The following CDH13 variants were observed in gnomAD, a reference collection of about 807,000 sequenced individuals.
The protein encoded by CDH13 is cadherin-13.
A neutral mutation model predicts 63.8 loss-of-function variants in CDH13; 24 were observed. The ratio of observed to expected loss-of-function variants is 0.38; its 90% confidence interval spans 0.27 to 0.53. The LOEUF (loss-of-function observed/expected upper bound fraction) is 0.53, where lower values mean the gene tolerates loss of function less well. Among genes scored for constraint, CDH13 ranks in the 20% least tolerant of loss-of-function variants. The pLI is 0.85. For missense variants in CDH13, 1,049 were observed against 903.1 expected (o/e 1.16, Z -2.07); for synonymous variants, 503 against 355.3 (o/e 1.42, Z -4.67).
At chr16:82,642,783 G>C (rs1909576542) in intron 1 of CDH13, among the ~76,000 whole-genome samples, 1 of 152,192 alleles carries the variant, frequency 6.6e-6, no homozygotes, top group Non-Finnish European at 1.5e-5. Flanking sequence ...GAGTGCTTCA[G>C]ATGCATTAAT....
intron 1 of CDH13, among the ~76,000 whole-genome samples, chr16:82,845,809 A>G (rs2039233610): frequency 2.0e-5 from 3 of 152,340 alleles, no homozygotes; most frequent in East Asian, 3.9e-4. Flanking sequence ...AACCCTGAGC[A>G]GGCACATCCT....
intron 6 of CDH13, among the ~76,000 whole-genome samples, chr16:83,348,685 C>T (rs1356114870): frequency 6.6e-6 from 1 of 152,238 alleles, no homozygotes; most frequent in Non-Finnish European, 1.5e-5. Context: ...TGACGCTGTG[C>T]TCAGCTATTT....
At chr16:82,886,935 T>C (rs2040909348) in intron 2 of CDH13, among the ~76,000 whole-genome samples, 1 of 152,236 alleles carries the variant, frequency 6.6e-6, no homozygotes, top group Non-Finnish European at 1.5e-5. Context: ...AGTGGATAAC[T>C]ACTCCATTCT....
At chr16:83,543,746 A>G (rs1174263305) in intron 7 of CDH13, among the ~76,000 whole-genome samples, 1 of 152,170 alleles carries the variant, frequency 6.6e-6, no homozygotes, top group Non-Finnish European at 1.5e-5. Context: ...CTCTCATCTA[A>G]TGGACAGTGG....
chr16:83,438,970 A>G (rs1598022133), intron 6 of CDH13, among the ~76,000 whole-genome samples: 2 of 152,240 alleles, frequency 1.3e-5, no homozygotes, highest in South Asian at 4.1e-4. Context: ...TCACTAGCTT[A>G]GAGCACCTGG....
At chr16:82,946,850 A>G (rs527760694) in intron 2 of CDH13, among the ~76,000 whole-genome samples, 124 of 152,352 alleles carry the variant, frequency 8.1e-4, no homozygotes, top group African/African-American at 2.8e-3. Context: ...TGATTTATAC[A>G]TACAATCACT....
chr16:83,342,374 C>T (rs893728851), intron 5 of CDH13, among the ~76,000 whole-genome samples: 1 of 152,124 alleles, frequency 6.6e-6, no homozygotes, highest in African/African-American at 2.4e-5. Context: ...GGGTGTTCAG[C>T]GTGATGGCTG....
intron 3 of CDH13, among the ~76,000 whole-genome samples, chr16:83,083,483 T>A (rs1182324057): frequency 6.6e-6 from 1 of 152,190 alleles, no homozygotes; most frequent in Admixed American, 6.5e-5. Context: ...GTTATGCATA[T>A]GGAAATTGAG....
At chr16:83,323,895 C>G (rs964665849) in intron 5 of CDH13, among the ~76,000 whole-genome samples, 2 of 152,170 alleles carry the variant, frequency 1.3e-5, no homozygotes, top group African/African-American at 4.8e-5. Flanking sequence ...CCTCCCTTAC[C>G]TCTTGACCCC....
intron 1 of CDH13, among the ~76,000 whole-genome samples, chr16:82,810,979 C>G (rs2037412673): frequency 6.6e-6 from 1 of 152,118 alleles, no homozygotes; most frequent in Non-Finnish European, 1.5e-5. Flanking sequence ...ACCCTTCTCT[C>G]AGTCTGCTGA....
intron 12 of CDH13, among the ~76,000 whole-genome samples, chr16:83,782,754 A>G (rs1245010273): frequency 6.8e-6 from 1 of 146,834 alleles, no homozygotes; most frequent in African/African-American, 2.5e-5. Flanking sequence ...AAAAAAAAAA[A>G]CTAAAGACAA....
rs1190978794 is a variant in CDH13 at position 83,514,568 on chromosome 16, C to CCGGCCA, written c.960+27913_960+27914insCGGCCA. Among the ~76,000 whole-genome samples the CCGGCCA allele has an allele frequency of 3.9e-5, 6 of 152,152 alleles. No homozygotes were observed. In the East Asian group the frequency reaches 1.2e-3, roughly 29 times the overall value. ...GCTGAGGCATGGGAATTGCTTGAACCTGGGAGGTGGAGGTTGCAGTAAGCC... is the reference window on the plus strand; with the variant it reads ...GCTGAGGCATGGGAATTGCTTGAACCCGGCCATGGGAGGTGGAGGTTGCAGTAAGCC... On this transcript the variant is annotated intron_variant, in intron 7 of 13. Coordinates refer to ENST00000567109, the MANE Select transcript of CDH13 (RefSeq NM_001257.5).
At chr16:83,333,610 T>C (rs2090523607) in intron 5 of CDH13, among the ~76,000 whole-genome samples, 1 of 152,214 alleles carries the variant, frequency 6.6e-6, no homozygotes, top group Non-Finnish European at 1.5e-5. Context: ...TTAGTATTTC[T>C]ACTTGCTGGG....
In CDH13 at chr16:82,789,362, G is replaced by A. The variant is rs542387394; in HGVS notation, c.46-69000G>A. Among the ~76,000 whole-genome samples, 9 of 152,292 alleles carry A rather than the reference G, an allele frequency of 5.9e-5. No individual in the cohort carries two copies. In the South Asian group the frequency reaches 1.7e-3, roughly 28 times the overall value. ...GGGAGGGTCTTCTGAGAGATATAAA[G>A]AGGCTGATATATGCTCTTTATATCT... On this transcript the variant is annotated intron_variant, in intron 1 of 13. Transcript: ENST00000567109.
intron 3 of CDH13, among the ~76,000 whole-genome samples, chr16:83,092,123 A>T (rs2033942179): frequency 1.3e-5 from 2 of 152,238 alleles, no homozygotes; most frequent in Non-Finnish European, 2.9e-5. Flanking sequence ...TTCATTTCTC[A>T]TTATGGACTG....
rs2034154562 is a variant in CDH13, at chr16:83,095,606, A to C, written c.367-29779A>C. Among the ~76,000 whole-genome samples, 3 of 152,310 alleles carry C rather than the reference A, an allele frequency of 2.0e-5. No individual in the cohort carries two copies. In the South Asian group the frequency reaches 6.2e-4, roughly 32 times the overall value. ...TTCAAGCTTATGTATTTGGGTACAG[A>C]ACACCTCGCCAAAATCCTTGGCATA... On this transcript the variant is annotated intron_variant, in intron 3 of 13. Transcript: ENST00000567109.
intron 2 of CDH13, among the ~76,000 whole-genome samples, chr16:82,933,650 C>G (rs562931709): frequency 6.6e-6 from 1 of 152,158 alleles, no homozygotes; most frequent in Non-Finnish European, 1.5e-5. Context: ...CAAGTCCCTT[C>G]CACCTATGAG....
chr16:83,662,459 A>G (rs1913524178), intron 8 of CDH13, among the ~76,000 whole-genome samples: 1 of 152,224 alleles, frequency 6.6e-6, no homozygotes. Flanking sequence ...TTTCTTAAAA[A>G]GAATCTCTGT....
At chr16:83,019,867 T>A (rs919920076) in intron 2 of CDH13, among the ~76,000 whole-genome samples, 2 of 145,956 alleles carry the variant, frequency 1.4e-5, no homozygotes, top group Non-Finnish European at 3.0e-5. Flanking sequence ...ATAAAAACGA[T>A]AGTATATTAA....
Sources: allele counts gnomAD v4.1 joint callset (sites outside exome capture counted in the v4.1 genomes callset), GRCh38; gene constraint gnomAD v4.1.1; transcripts MANE v1.5; gene names NCBI Gene and HGNC (gene_info 2026-07-23, HGNC 2026-07-21).